The following KAZN variants were observed in gnomAD, a reference collection of about 807,000 sequenced individuals.
KAZN encodes the protein kazrin.
KAZN carries 40 observed loss-of-function variants against 87.4 expected under a neutral mutation model. The observed-to-expected ratio is 0.46, with a 90% CI of 0.36 to 0.60. KAZN has a LOEUF of 0.60. Ranked by LOEUF, KAZN falls within the 20% of genes least tolerant of loss-of-function variation. KAZN has a pLI of 0.00. For missense variants in KAZN, 898 were observed against 1,073.9 expected, an observed-to-expected ratio of 0.84 and a Z score of 2.29; for synonymous variants, 466 against 458.3, an observed-to-expected ratio of 1.02 and a Z score of -0.22.
chr1:14,383,633 C>T (rs1275517069), intron 2 of KAZN, among the ~76,000 whole-genome samples: 37 of 151,756 alleles, frequency 2.4e-4, no homozygotes, highest in South Asian at 4.2e-4. Context: ...TGTAGATATG[C>T]GGCATTATTT....
rs910416812 is a variant in KAZN, at chr1:14,949,753, A to C, written c.227-10931A>C. ...CCCTGCTTCTGAGCCTGTGACTGTC[A>C]CCCTTCCAGGACAGCGACATGGTTG... On this transcript the variant is annotated intron_variant, in intron 1 of 14. Coordinates refer to ENST00000376030, the MANE Select transcript of KAZN (RefSeq NM_201628.3). The surrounding 1 kb of genome is among the most constrained non-coding windows in gnomAD (Gnocchi z 4.3). Among the ~76,000 whole-genome samples, 1 of 151,924 alleles carries C rather than the reference A, an allele frequency of 6.6e-6. No individual in the cohort carries two copies. The highest frequency in any genetic ancestry group is 2.4e-5 in the African/African-American group (1 of 41,274).
chr1:14,359,178 G>A (rs557239634), intron 2 of KAZN, among the ~76,000 whole-genome samples: 7 of 152,002 alleles, frequency 4.6e-5, no homozygotes, highest in Non-Finnish European at 7.4e-5. Context: ...AATATCTAAC[G>A]TCCTTCTTCG....
chr1:14,644,121 C>T (rs1382478539), intron 1 of KAZN, among the ~76,000 whole-genome samples: 6 of 150,178 alleles, frequency 4.0e-5, no homozygotes, highest in Non-Finnish European at 5.9e-5. Context: ...AAGCAATTCT[C>T]CCATCTCAGC....
rs1570308644 is a variant in KAZN at position 13,929,843 on chromosome 1, G to A, written c.91+36087G>A. ...ACCTTGTGCTAAATGCTTTGCGTGGGCCATTTTCATTAAATCCTCGTAGCA... is the reference window on the plus strand; with the variant it reads ...ACCTTGTGCTAAATGCTTTGCGTGGACCATTTTCATTAAATCCTCGTAGCA... On this transcript the variant is annotated intron_variant, in intron 1 of 16. Transcript: ENST00000636203. Among the ~76,000 whole-genome samples, 6 of 152,276 alleles carry A rather than the reference G, an allele frequency of 3.9e-5. 1 individual carries two copies. Among genetic ancestry groups the A allele is most frequent in the Admixed American group, 3.9e-4 (6 of 15,294 alleles).
intron 8 of KAZN, among the ~76,000 whole-genome samples, chr1:15,090,763 C>T (rs1230664983): frequency 1.3e-5 from 2 of 152,200 alleles, no homozygotes; most frequent in African/African-American, 4.8e-5. Flanking sequence ...ACGGACAGCC[C>T]GTCACACTCA....
In KAZN at chr1:14,079,685, G is replaced by A. The variant is rs141461340; in HGVS notation, c.92-100750G>A. 3.4e-4 allele frequency among the ~76,000 whole-genome samples: 52 copies of A among 152,310 alleles called. 1 individual carries two copies. In the East Asian group the frequency reaches 9.4e-3, roughly 28 times the overall value. ...AATAATAATAAAAGCAAACTATTTC[G>A]TGGGAAAGTTATCTCTGGGTAAATG... On this transcript the variant is annotated intron_variant, in intron 1 of 16. Coordinates refer to the KAZN transcript ENST00000636203.
chr1:14,747,142 C>A (rs536643551), intron 1 of KAZN, among the ~76,000 whole-genome samples: 2 of 152,240 alleles, frequency 1.3e-5, no homozygotes, highest in Admixed American at 6.5e-5. Flanking sequence ...TTCATCAGTG[C>A]GGTAGCATGT....
At chr1:14,356,658 C>T (rs946511280) in intron 2 of KAZN, among the ~76,000 whole-genome samples, 8 of 152,148 alleles carry the variant, frequency 5.3e-5, no homozygotes, top group Non-Finnish European at 1.0e-4. Context: ...AGCCAGTTTT[C>T]CCAACACCAT....
intron 1 of KAZN, among the ~76,000 whole-genome samples, chr1:14,681,557 G>A (rs1640572672): frequency 7.8e-6 from 1 of 128,336 alleles, no homozygotes; most frequent in African/African-American, 3.0e-5. Context: ...TTTTAATGGT[G>A]GTAAAATAGA....
At chr1:14,749,917 A>G (rs1403569720) in intron 1 of KAZN, among the ~76,000 whole-genome samples, 2 of 152,136 alleles carry the variant, frequency 1.3e-5, no homozygotes, top group Admixed American at 6.5e-5. Flanking sequence ...TAAGGACCCA[A>G]ATGAGGTCAT....
At chr1:14,386,773 A>C (rs973906206) in intron 2 of KAZN, among the ~76,000 whole-genome samples, 1 of 151,828 alleles carries the variant, frequency 6.6e-6, no homozygotes, top group Non-Finnish European at 1.5e-5. Context: ...AACTTCGGTG[A>C]ATCTGACAAT....
chr1:14,283,249 A>G (rs1652989674), intron 2 of KAZN, among the ~76,000 whole-genome samples: 1 of 152,206 alleles, frequency 6.6e-6, no homozygotes, highest in Admixed American at 6.5e-5. Context: ...CATTTTGTCA[A>G]GTCCCCAGAT....
intron 3 of KAZN, among the ~76,000 whole-genome samples, chr1:15,040,888 A>C (rs993026118): frequency 6.6e-6 from 1 of 152,114 alleles, no homozygotes; most frequent in Non-Finnish European, 1.5e-5. Context: ...TGCAGATGGA[A>C]GGGAAACAGG....
chr1:14,648,063 C>CTT (rs1332920257), intron 1 of KAZN, among the ~76,000 whole-genome samples: 1 of 152,172 alleles, frequency 6.6e-6, no homozygotes, highest in East Asian at 1.9e-4. Context: ...TCCTTAGGAA[C>CTT]TTTTTCAGTT....
chr1:14,523,134 G>A (rs1671674603), intron 2 of KAZN, among the ~76,000 whole-genome samples: 1 of 152,188 alleles, frequency 6.6e-6, no homozygotes. Context: ...CAGGATCTTG[G>A]TGAGGCTGGG....
intron 1 of KAZN, among the ~76,000 whole-genome samples, chr1:14,027,567 C>T (rs759821326): frequency 1.3e-5 from 2 of 152,114 alleles, no homozygotes; most frequent in East Asian, 1.9e-4. Flanking sequence ...TAGCTTCTAG[C>T]AAACTATAAT....
chr1:14,077,493 C>T (rs546879368), intron 1 of KAZN, among the ~76,000 whole-genome samples: 43 of 152,148 alleles, frequency 2.8e-4, no homozygotes, highest in African/African-American at 7.7e-4. Context: ...GCCCCTTGAT[C>T]GCAGCAGCAG....
At chr1:14,325,200 C>T (rs140327403) in intron 2 of KAZN, among the ~76,000 whole-genome samples, 19 of 152,234 alleles carry the variant, frequency 1.2e-4, no homozygotes, top group African/African-American at 4.6e-4. Context: ...TTTTTCACCT[C>T]GGATATTCTT....
chr1:13,910,797 A>G (rs1639626948), intron 1 of KAZN, among the ~76,000 whole-genome samples: 1 of 152,100 alleles, frequency 6.6e-6, no homozygotes, highest in African/African-American at 2.4e-5. Flanking sequence ...TCCCATAATA[A>G]GAAGAGATAT....
Sources: allele counts gnomAD v4.1 joint callset (sites outside exome capture counted in the v4.1 genomes callset), GRCh38; gene constraint gnomAD v4.1.1; non-coding constraint Gnocchi (gnomAD v3.1); transcripts MANE v1.5; gene names NCBI Gene and HGNC (gene_info 2026-07-23, HGNC 2026-07-21).